Variants in SYT9 observed in about 807,000 individuals in gnomAD.
SYT9 encodes the protein synaptotagmin 9, also known as synaptotagmin-9.
Under a neutral mutation model 48.4 loss-of-function variants are expected in SYT9, and 22 were observed. The observed-to-expected ratio is 0.45, with a 90% CI of 0.32 to 0.65. SYT9 has a LOEUF of 0.65. SYT9 is among the 30% of genes least tolerant of loss of function. The pLI is 0.03. For missense variants in SYT9, 577 were observed against 622.0 expected, an observed-to-expected ratio of 0.93 and a Z score of 0.77; for synonymous variants, 265 against 245.0, an observed-to-expected ratio of 1.08 and a Z score of -0.76.
chr11:7,284,662 T>C (rs778787349), intron 1 of SYT9, among the ~76,000 whole-genome samples: 3 of 152,098 alleles, frequency 2.0e-5, no homozygotes, highest in African/African-American at 7.2e-5. Flanking sequence ...TGTGTCTGGG[T>C]GTGCTCTCTT....
chr11:7,306,129 A>G (rs1849026327), intron 2 of SYT9, among the ~76,000 whole-genome samples: 1 of 152,190 alleles, frequency 6.6e-6, no homozygotes, highest in Non-Finnish European at 1.5e-5. Flanking sequence ...CCTTTTGTAC[A>G]GTGACTCAAT....
intron 3 of SYT9, among the ~76,000 whole-genome samples, chr11:7,379,083 T>A (rs1040095961): frequency 6.6e-6 from 1 of 152,070 alleles, no homozygotes. Flanking sequence ...TGTAAAAAAA[T>A]GAAAATAAAA....
intron 1 of SYT9, among the ~76,000 whole-genome samples, chr11:7,285,495 A>G (rs1343205821): frequency 6.6e-6 from 1 of 152,176 alleles, no homozygotes. Context: ...GGGAACTATG[A>G]TTCAAGATGA....
intron 3 of SYT9, among the ~76,000 whole-genome samples, chr11:7,352,535 G>GT (rs1349634049): frequency 2.6e-5 from 4 of 152,154 alleles, no homozygotes; most frequent in African/African-American, 9.7e-5. Context: ...CTTCTCGATG[G>GT]TTATGATCTG....
At chr11:7,396,743 T>C (rs948551499) in intron 3 of SYT9, among the ~76,000 whole-genome samples, 8 of 152,212 alleles carry the variant, frequency 5.3e-5, no homozygotes, top group African/African-American at 1.9e-4. Context: ...ATTGTCACTC[T>C]TTCATTTTAG....
At chr11:7,249,727 A>G (rs972416104), upstream of SYT9, among the ~76,000 whole-genome samples, 2 of 152,200 alleles carry the variant, frequency 1.3e-5, no homozygotes, top group Non-Finnish European at 2.9e-5. Context: ...AATCTTTGTA[A>G]CAGCCCAAAG....
intron 2 of SYT9, among the ~76,000 whole-genome samples, chr11:7,307,836 T>C (rs1350510346): frequency 1.3e-5 from 2 of 152,236 alleles, no homozygotes; most frequent in African/African-American, 2.4e-5. Context: ...ATCTTAGTTA[T>C]GGAGGATAAA....
chr11:7,357,924 A>C lies in SYT9; in HGVS notation c.1044+43983A>C, dbSNP rs141117767. Among the ~76,000 whole-genome samples the C allele has an allele frequency of 3.2e-4, 48 of 152,262 alleles. No homozygotes were observed. The East Asian group carries it at 8.7e-3, about 28-fold the overall frequency. ...ACATAATTTATTTCTCCATTGATTT[A>C]AGTGCTCATTAAGTCATTCAAAAAT... On this transcript the variant is annotated intron_variant, in intron 3 of 6. Transcript: ENST00000318881.
chr11:7,312,080 C>G (rs565009451), intron 2 of SYT9, among the ~76,000 whole-genome samples: 73 of 152,282 alleles, frequency 4.8e-4, no homozygotes, highest in African/African-American at 1.7e-3. Flanking sequence ...TGTCTGCTTG[C>G]TATGGACTGT....
At chr11:7,417,631 G>A (rs11041363) in intron 4 of SYT9, among the ~76,000 whole-genome samples, 74,117 of 152,056 alleles carry the variant, frequency 0.49, 19,961 homozygotes, top group Non-Finnish European at 0.61. Flanking sequence ...TGGAAATGCT[G>A]GTGCATTTCT....
At chr11:7,451,096 G>T (rs1848038760) in intron 6 of SYT9, among the ~76,000 whole-genome samples, 1 of 152,174 alleles carries the variant, frequency 6.6e-6, no homozygotes, top group African/African-American at 2.4e-5. Flanking sequence ...TGTGATGTAG[G>T]TTTTTTGCTA....
chr11:7,460,826 T>C (rs1291879259), intron 6 of SYT9, among the ~76,000 whole-genome samples: 1 of 152,228 alleles, frequency 6.6e-6, no homozygotes, highest in African/African-American at 2.4e-5. Context: ...AATTCTTATT[T>C]GTTAACCCTT....
intron 3 of SYT9, among the ~76,000 whole-genome samples, chr11:7,413,191 T>G (rs987649916): frequency 2.6e-5 from 4 of 152,164 alleles, no homozygotes; most frequent in Non-Finnish European, 5.9e-5. Context: ...TGTGATTTGC[T>G]CATGCCTCAG....
At chr11:7,243,077 AT>A (rs1294186107) in intron 1 of SYT9, among the ~76,000 whole-genome samples, 1 of 130,934 alleles carries the variant, frequency 7.6e-6, no homozygotes, top group Non-Finnish European at 1.7e-5. Flanking sequence ...AATATAAAGT[AT>A]TACCAATATG....
chr11:7,274,908 T>C (rs1564843794), intron 1 of SYT9, among the ~76,000 whole-genome samples: 1 of 152,060 alleles, frequency 6.6e-6, no homozygotes, highest in African/African-American at 2.4e-5. Flanking sequence ...TCAACAAGCA[T>C]TATTTGAAGT....
intron 3 of SYT9, among the ~76,000 whole-genome samples, chr11:7,369,915 C>T (rs1850331403): frequency 6.7e-6 from 1 of 149,656 alleles, no homozygotes; most frequent in Non-Finnish European, 1.5e-5. Flanking sequence ...TTTATTTTTC[C>T]ATAAGTTTTT....
intron 6 of SYT9, among the ~76,000 whole-genome samples, chr11:7,431,755 C>G (rs997661966): frequency 6.6e-6 from 1 of 152,266 alleles, no homozygotes; most frequent in Non-Finnish European, 1.5e-5. Flanking sequence ...CCACCTCCAG[C>G]TGCTACTTAA....
At chr11:7,267,722 CATCAATA>C (rs1848213994) in intron 1 of SYT9, among the ~76,000 whole-genome samples, 1 of 151,468 alleles carries the variant, frequency 6.6e-6, no homozygotes, top group African/African-American at 2.4e-5. Flanking sequence ...AAGAGCAAAG[CATCAATA>C]AAACCAAAAG....
At chr11:7,251,308 A>ACC (rs10633248), upstream of SYT9, among the ~76,000 whole-genome samples, 149,740 of 152,150 alleles carry the variant, frequency 0.98, 73,735 homozygotes, top group Middle Eastern at 1. Flanking sequence ...TAGAAAACTA[A>ACC]GGGACCCACG....
Sources: allele counts gnomAD v4.1 joint callset (sites outside exome capture counted in the v4.1 genomes callset), GRCh38; gene constraint gnomAD v4.1.1; transcripts MANE v1.5; gene names NCBI Gene and HGNC (gene_info 2026-07-23, HGNC 2026-07-21).